Variants in IGSF11 observed in about 807,000 individuals in gnomAD.
The protein encoded by IGSF11 is CXADR like 1.
IGSF11 carries 22 observed loss-of-function variants against 41.0 expected under a neutral mutation model. That is an observed-to-expected ratio of 0.54 (90% CI 0.38 to 0.77). IGSF11 has a LOEUF of 0.77. Among genes scored for constraint, IGSF11 ranks in the 30% least tolerant of loss-of-function variants. The probability of loss-of-function intolerance (pLI) is 0.00; values close to 1 mark genes in which losing one functional copy is unlikely to be tolerated. For synonymous variants in IGSF11, 219 were observed against 201.3 expected (o/e 1.09, Z -0.74); for missense variants, 444 against 530.8 (o/e 0.84, Z 1.61).
At chr3:119,139,470 C>T (rs1207814734) in intron 1 of IGSF11, among the ~76,000 whole-genome samples, 1 of 152,176 alleles carries the variant, frequency 6.6e-6, no homozygotes, top group Non-Finnish European at 1.5e-5. Flanking sequence ...TGGATCTTTT[C>T]TGTGCTGTTC....
intron 1 of IGSF11, among the ~76,000 whole-genome samples, chr3:119,053,636 C>G (rs1941712775): frequency 6.6e-6 from 1 of 152,126 alleles, no homozygotes; most frequent in African/African-American, 2.4e-5. Flanking sequence ...AAAATACCAA[C>G]ATCATTCTTC....
Position 119,013,420 on chromosome 3 carries a change from C to T in IGSF11, c.52+21111G>A, listed in dbSNP as rs139024174. ...AACCTCCTCACTTGTTTGGTTATTG[C>T]TTTTTTATGTCCCTGGATCCCTTTT... is the stretch of plus-strand genomic sequence containing the variant. On this transcript the variant is annotated intron_variant, in intron 1 of 6. Coordinates refer to ENST00000393775, the MANE Select transcript of IGSF11 (RefSeq NM_001015887.3). 4.4e-3 allele frequency among the ~76,000 whole-genome samples: 672 copies of T among 152,284 alleles called. 12 individuals carry two copies. The highest frequency in any genetic ancestry group is 0.015 in the African/African-American group (641 of 41,550).
intron 1 of IGSF11, among the ~76,000 whole-genome samples, chr3:119,083,870 T>C (rs966324992): frequency 3.3e-5 from 5 of 152,216 alleles, no homozygotes; most frequent in African/African-American, 1.2e-4. Flanking sequence ...ATTTATTTTT[T>C]TTAAAAATTT....
intron 1 of IGSF11, among the ~76,000 whole-genome samples, chr3:119,113,691 T>A (rs959183152): frequency 3.3e-5 from 5 of 152,140 alleles, no homozygotes; most frequent in Non-Finnish European, 5.9e-5. Context: ...CATTCTGGGG[T>A]GTGGAGGATG....
chr3:119,110,885 A>G (rs2077144484), intron 1 of IGSF11, among the ~76,000 whole-genome samples: 1 of 151,664 alleles, frequency 6.6e-6, no homozygotes, highest in Admixed American at 6.6e-5. Context: ...TCTGGGTTGA[A>G]AATTCTTTTC....
chr3:119,088,171 C>T (rs1481761176), intron 1 of IGSF11, among the ~76,000 whole-genome samples: 1 of 151,502 alleles, frequency 6.6e-6, no homozygotes. Flanking sequence ...CATGCTCAGT[C>T]ATAAAGCAAG....
At chr3:119,088,821 G>A (rs78951839) in intron 1 of IGSF11, among the ~76,000 whole-genome samples, 11,167 of 152,056 alleles carry the variant, frequency 0.073, 814 homozygotes, top group African/African-American at 0.18. Flanking sequence ...AACAACTCTA[G>A]GCACACAAAT....
intron 1 of IGSF11, among the ~76,000 whole-genome samples, chr3:118,979,702 C>T (rs1836691): frequency 0.084 from 12,759 of 152,194 alleles, 606 homozygotes; most frequent in East Asian, 0.13. Flanking sequence ...AATTTAACAG[C>T]TTCTGCATAA....
At chr3:118,944,151 A>G (rs1381848104) in intron 1 of IGSF11, among the ~76,000 whole-genome samples, 1 of 152,226 alleles carries the variant, frequency 6.6e-6, no homozygotes, top group Non-Finnish European at 1.5e-5. Context: ...TAACTAGTTT[A>G]AAGCATTCTT....
rs1937473041 is a variant in IGSF11, at chr3:119,006,082, G to GC, written c.52+28448dup. The stretch of plus-strand genomic sequence containing the variant: ...GTTTTCCAACTTGGTTCCATTCTCC[G>GC]CATCACTTTCAGGTACACCAATCAG... On this transcript the variant is annotated intron_variant, in intron 1 of 6. Transcript: ENST00000393775. Among the ~76,000 whole-genome samples, 17 of 112,788 alleles carry GC rather than the reference G, an allele frequency of 1.5e-4. 1 individual carries two copies. The South Asian group carries it at 5.6e-3, about 37-fold the overall frequency. 74.0% of individuals were successfully genotyped at this position (112,788 alleles called of 152,430 possible).
At chr3:118,914,391 G>T (rs957349390) in intron 4 of IGSF11, among the ~76,000 whole-genome samples, 14 of 151,616 alleles carry the variant, frequency 9.2e-5, no homozygotes, top group Non-Finnish European at 1.8e-4. Flanking sequence ...GCAGGCCAGT[G>T]GGTGCGCGCA....
intron 1 of IGSF11, among the ~76,000 whole-genome samples, chr3:118,937,619 A>T (rs1382612093): frequency 6.6e-6 from 1 of 152,172 alleles, no homozygotes; most frequent in African/African-American, 2.4e-5. Flanking sequence ...AGATGGCTCT[A>T]TTACATATTG....
chr3:119,056,392 G>A (rs528289069), intron 1 of IGSF11, among the ~76,000 whole-genome samples: 62 of 152,188 alleles, frequency 4.1e-4, no homozygotes, highest in African/African-American at 1.2e-3. Flanking sequence ...TAAATTCCTC[G>A]ACACATACAC....
chr3:119,078,701 GAA>G (rs1242169621), intron 1 of IGSF11, among the ~76,000 whole-genome samples: 1 of 151,896 alleles, frequency 6.6e-6, no homozygotes, highest in Admixed American at 6.6e-5. Flanking sequence ...GCAACAAAAA[GAA>G]AAATTGAAAA....
At chr3:119,114,574 A>C (rs1357153850) in intron 1 of IGSF11, among the ~76,000 whole-genome samples, 1 of 152,178 alleles carries the variant, frequency 6.6e-6, no homozygotes, top group Non-Finnish European at 1.5e-5. Context: ...TCCTTCTGAG[A>C]CCACCTCAGC....
chr3:119,011,945 C>CTCTGTGTGTGTGTGTGTG (rs144200736), intron 1 of IGSF11, among the ~76,000 whole-genome samples: 1 of 148,486 alleles, frequency 6.7e-6, no homozygotes, highest in East Asian at 2.0e-4. Flanking sequence ...ATATAGTGTT[C>CTCTGTGTGTGTGTGTGTG]TGTGTGTGTG....
chr3:118,964,300 A>G (rs937933678), intron 1 of IGSF11, among the ~76,000 whole-genome samples: 1 of 152,196 alleles, frequency 6.6e-6, no homozygotes, highest in African/African-American at 2.4e-5. Flanking sequence ...TTAAATCTGT[A>G]TATGTGTACT....
intron 4 of IGSF11, among the ~76,000 whole-genome samples, chr3:118,910,121 C>T (rs1464480625): frequency 1.3e-5 from 2 of 152,188 alleles, no homozygotes; most frequent in Admixed American, 6.5e-5. Flanking sequence ...TTAGGTTTAA[C>T]TGGACATCAA....
chr3:118,918,602 T>G (rs796079277), intron 4 of IGSF11, among the ~76,000 whole-genome samples: 227 of 122,104 alleles, frequency 1.9e-3, no homozygotes, highest in African/African-American at 2.8e-3. Flanking sequence ...CTCAATGAAA[T>G]AAAAGAGGAT....
Sources: gnomAD v4.1 joint callset for allele counts (sites outside exome capture counted in the v4.1 genomes callset) on GRCh38, gnomAD v4.1.1 for gene constraint, MANE v1.5 for transcripts, NCBI Gene and HGNC (gene_info 2026-07-23, HGNC 2026-07-21) for gene names.